The following SERPINI1 variants were observed in gnomAD, a reference collection of about 807,000 sequenced individuals.
The protein encoded by SERPINI1 is serpin family I member 1, also known as neuroserpin.
In SERPINI1, 19 loss-of-function variants were observed where a neutral mutation model predicts 41.1. The ratio of observed to expected loss-of-function variants is 0.46; its 90% CI spans 0.32 to 0.68. The LOEUF (loss-of-function observed/expected upper bound fraction) is 0.68, where lower values mean the gene tolerates loss of function less well. SERPINI1 is among the 30% of genes least tolerant of loss of function. The probability of loss-of-function intolerance (pLI) is 0.03; values close to 1 mark genes in which losing one functional copy is unlikely to be tolerated. For missense variants in SERPINI1, 460 were observed against 479.2 expected, an observed-to-expected ratio of 0.96 and a Z score of 0.37; for synonymous variants, 138 against 156.6, an observed-to-expected ratio of 0.88 and a Z score of 0.89.
intron 1 of SERPINI1, among the ~76,000 whole-genome samples, chr3:167,771,836 T>C (rs1371965573): frequency 4.3e-5 from 6 of 138,796 alleles, no homozygotes; most frequent in African/African-American, 1.3e-4. Flanking sequence ...TGTGTGCGCG[T>C]GTGTGTGTGT....
At chr3:167,794,193 C>T (rs547535396) in intron 4 of SERPINI1, among the ~76,000 whole-genome samples, 1 of 148,860 alleles carries the variant, frequency 6.7e-6, no homozygotes, top group South Asian at 2.1e-4. Flanking sequence ...ATTGAATTAT[C>T]TCATTTAAAA....
chr3:167,794,891 GA>G, intron 5 of SERPINI1, 67 bp downstream of exon 5: 1 of 1,321,774 alleles, frequency 7.6e-7, no homozygotes, highest in Non-Finnish European at 1.1e-6. Context: ...ATCTGACCCA[GA>G]AAAACTCTTC....
intron 1 of SERPINI1, among the ~76,000 whole-genome samples, chr3:167,779,798 C>G (rs1034462653): frequency 6.6e-6 from 1 of 151,800 alleles, no homozygotes; most frequent in Non-Finnish European, 1.5e-5. Flanking sequence ...TTGTTTGATT[C>G]AATAGTACAG....
chr3:167,793,838 A>ATGTGTGTGTGTGTGTGTGTGTG (rs56401913), intron 4 of SERPINI1, among the ~76,000 whole-genome samples: 17 of 141,296 alleles, frequency 1.2e-4, no homozygotes, highest in African/African-American at 4.3e-4. Context: ...GGCCATATGT[A>ATGTGTGTGTGTGTGTGTGTGTG]TGTGTGTGTG....
At chr3:167,745,159 T>C (rs1364208581) in intron 1 of SERPINI1, among the ~76,000 whole-genome samples, 3 of 151,658 alleles carry the variant, frequency 2.0e-5, no homozygotes, top group African/African-American at 7.2e-5. Flanking sequence ...AAAATTCAAA[T>C]ATAGACTCAA....
chr3:167,781,311 A>G (rs1388233285), intron 1 of SERPINI1, among the ~76,000 whole-genome samples: 1 of 152,114 alleles, frequency 6.6e-6, no homozygotes, highest in Non-Finnish European at 1.5e-5. Flanking sequence ...CTGTGGCAAA[A>G]TGAAAAAAAC....
chr3:167,776,158 C>T (rs1000923243), intron 1 of SERPINI1, among the ~76,000 whole-genome samples: 1 of 152,164 alleles, frequency 6.6e-6, no homozygotes, highest in African/African-American at 2.4e-5. Flanking sequence ...CCACAATGGC[C>T]TTGGGCCACA....
At chr3:167,785,613 A>G (rs1038347036) in intron 1 of SERPINI1, among the ~76,000 whole-genome samples, 1 of 152,228 alleles carries the variant, frequency 6.6e-6, no homozygotes, top group East Asian at 1.9e-4. Context: ...TGTACTTATA[A>G]GGTGATTGCA....
At chr3:167,740,700 A>G (rs1018163519) in intron 1 of SERPINI1, among the ~76,000 whole-genome samples, 1 of 152,190 alleles carries the variant, frequency 6.6e-6, no homozygotes, top group African/African-American at 2.4e-5. Flanking sequence ...TATTAACTGC[A>G]AACTTGCGCG....
chr3:167,821,362 C>T (rs768009387), intron 6 of SERPINI1, among the ~76,000 whole-genome samples: 5 of 152,332 alleles, frequency 3.3e-5, no homozygotes, highest in East Asian at 1.9e-4. Context: ...TGAAGCTCTG[C>T]GGTTCCCGGT....
chr3:167,740,580 T>A (rs1243297282), intron 1 of SERPINI1, among the ~76,000 whole-genome samples: 1 of 152,242 alleles, frequency 6.6e-6, no homozygotes, highest in East Asian at 1.9e-4. Flanking sequence ...TTCTTAGACA[T>A]CTGTGTTAGT....
At chr3:167,737,684 G>A (rs1048059600) in intron 1 of SERPINI1, among the ~76,000 whole-genome samples, 5 of 152,102 alleles carry the variant, frequency 3.3e-5, no homozygotes, top group South Asian at 4.1e-4. Context: ...AATTCTTTCC[G>A]AGCCTTTATT....
chr3:167,777,514 C>T, intron 1 of SERPINI1, among the ~76,000 whole-genome samples: 1 of 152,098 alleles, frequency 6.6e-6, no homozygotes, highest in East Asian at 1.9e-4. Flanking sequence ...CTATCTCCCA[C>T]TACACAGGTG....
At chr3:167,746,688 C>G (rs1348369221) in intron 1 of SERPINI1, among the ~76,000 whole-genome samples, 2 of 152,160 alleles carry the variant, frequency 1.3e-5, no homozygotes, top group Non-Finnish European at 2.9e-5. Flanking sequence ...AAATGCAAAT[C>G]AAAACCACAG....
At chr3:167,748,005 G>A in intron 1 of SERPINI1, among the ~76,000 whole-genome samples, 1 of 151,228 alleles carries the variant, frequency 6.6e-6, no homozygotes, top group Non-Finnish European at 1.5e-5. Context: ...TAAAAATAAA[G>A]GAGGCGGAAA....
chr3:167,739,457 A>T lies in SERPINI1; in HGVS notation c.-19+3634A>T, dbSNP rs75483635. On this transcript the variant is annotated intron_variant, in intron 1 of 8. Coordinates refer to ENST00000446050, the MANE Select transcript of SERPINI1 (RefSeq NM_001122752.2). Reference sequence around the variant, plus strand: ...GCCTTTGCAAAAGTGTTGATTGAGCACAATTGGATTCACACTGTGTGCGCT... The same window carrying T: ...GCCTTTGCAAAAGTGTTGATTGAGCTCAATTGGATTCACACTGTGTGCGCT... Among the ~76,000 whole-genome samples the T allele has an allele frequency of 8.4e-3, 1,279 of 152,338 alleles. 102 individuals are homozygous for T. The East Asian group carries it at 0.18, about 21-fold the overall frequency.
chr3:167,813,752 T>C (rs1287669971), intron 6 of SERPINI1, among the ~76,000 whole-genome samples: 3 of 152,162 alleles, frequency 2.0e-5, no homozygotes, highest in Non-Finnish European at 4.4e-5. Context: ...CATAGACATC[T>C]TTCTGTCCCC....
At chr3:167,780,904 G>C (rs750694574) in intron 1 of SERPINI1, among the ~76,000 whole-genome samples, 18 of 152,276 alleles carry the variant, frequency 1.2e-4, no homozygotes, top group Non-Finnish European at 2.5e-4. Context: ...GTACACACTT[G>C]TCTAGGCAAT....
In SERPINI1 at chr3:167,760,561, T is replaced by TTG. The variant is rs57003321; in HGVS notation, c.-19+24786_-19+24787dup. Among the ~76,000 whole-genome samples the TTG allele has an allele frequency of 5.7e-3, 799 of 140,698 alleles. 4 individuals are homozygous for TTG. Among genetic ancestry groups the TTG allele is most frequent in the East Asian group, 0.015 (67 of 4,562 alleles). 92.3% of individuals were successfully genotyped at this position (140,698 alleles called of 152,430 possible). ...TCAGTTCTGGAAGCCTGGCTCCAAA[T>TTG]TGTGTGTGTGTGTGTGTGTGTGTGT... On this transcript the variant is annotated intron_variant, in intron 1 of 8. Transcript: ENST00000446050.
Sources: gnomAD v4.1 joint callset for allele counts (sites outside exome capture counted in the v4.1 genomes callset) on GRCh38, gnomAD v4.1.1 for gene constraint, MANE v1.5 for transcripts, NCBI Gene and HGNC (gene_info 2026-07-23, HGNC 2026-07-21) for gene names.